PCDHGC3: variants seen among roughly 807,000 people sequenced by gnomAD.
PCDHGC3 encodes protocadherin gamma-C3.
In PCDHGC3, 26 loss-of-function variants were observed where a neutral mutation model predicts 59.2. The ratio of observed to expected loss-of-function variants is 0.44; its 90% CI spans 0.32 to 0.61. The LOEUF (loss-of-function observed/expected upper bound fraction) is 0.61. Ranked by LOEUF, PCDHGC3 falls within the 20% of genes least tolerant of loss-of-function variation. The probability of loss-of-function intolerance (pLI) is 0.05; values close to 1 mark genes in which losing one functional copy is unlikely to be tolerated. For synonymous variants in PCDHGC3, 487 were observed against 519.7 expected, an observed-to-expected ratio of 0.94 and a Z score of 0.86; for missense variants, 1,080 against 1,221.8, an observed-to-expected ratio of 0.88 and a Z score of 1.73.
At chr5:141,510,028 C>A (rs962629835) in intron 3 of PCDHGC3, among the ~76,000 whole-genome samples, 1 of 152,164 alleles carries the variant, frequency 6.6e-6, no homozygotes, top group Non-Finnish European at 1.5e-5. Context: ...GCTGGCTGGG[C>A]TGTTATGTAG....
chr5:141,503,161 T>C (rs1035413931), intron 2 of PCDHGC3, among the ~76,000 whole-genome samples: 3 of 152,054 alleles, frequency 2.0e-5, no homozygotes, highest in Admixed American at 1.3e-4. Context: ...AGTATCACAA[T>C]TGCAATTACT....
chr5:141,498,002 C>T (rs1442305270), intron 2 of PCDHGC3, among the ~76,000 whole-genome samples: 2 of 152,178 alleles, frequency 1.3e-5, no homozygotes, highest in East Asian at 1.9e-4. Flanking sequence ...AAGGAGTTTA[C>T]AGTGCACTGA....
Position 141,476,990 on chromosome 5 carries a change from C to T in PCDHGC3, c.874C>T (p.Arg292Trp), listed in dbSNP as rs2099402882. Reference protein sequence around the residue: ...SFGSHNRAGVRQLFALDLVTG... With the variant: ...SFGSHNRAGVWQLFALDLVTG... ...CGGCAGCCACAACCGCGCCGGCGTGCGGCAACTATTCGCCTTAGACCTTGT... is the reference window on the plus strand; with the variant it reads ...CGGCAGCCACAACCGCGCCGGCGTGTGGCAACTATTCGCCTTAGACCTTGT... The change falls in exon 1 of 4, where the codon CGG (arginine) becomes TGG (tryptophan). Residue 292 changes from arginine to tryptophan, a missense_variant. Coordinates refer to ENST00000308177, the MANE Select transcript of PCDHGC3 (RefSeq NM_002588.4). The surrounding 1 kb of genome is among the most constrained non-coding windows in gnomAD (Gnocchi z 7.6). 6.2e-7 allele frequency: 1 copy of T among 1,614,220 alleles called. No individual in the cohort carries two copies. The highest frequency in any genetic ancestry group is 8.5e-7 in the Non-Finnish European group (1 of 1,180,046).
At position 141,490,359 on chromosome 5, in the gene PCDHGC3, T is replaced by A; in HGVS notation, c.2431-4448T>A. On this transcript the variant is annotated intron_variant, in intron 1 of 3. Coordinates refer to ENST00000308177, the MANE Select transcript of PCDHGC3 (RefSeq NM_002588.4). The surrounding 1 kb of genome is among the most constrained non-coding windows in gnomAD (Gnocchi z 5.4). ...TGGGCACAGTAGTGGGGTTGTTTAA[T>A]GTGCGAGACCGGGACTCAGGTAGAA... 6.2e-7 allele frequency: 1 copy of A among 1,614,212 alleles called. No individual in the cohort carries two copies. The highest frequency in any genetic ancestry group is 8.5e-7 in the Non-Finnish European group (1 of 1,180,036).
At position 141,476,689 on chromosome 5, in the gene PCDHGC3, C is replaced by A; in HGVS notation, c.573C>A (p.Thr191=). ...ALRVQTREDS[T]KYAELVLERA... Reference sequence around the variant, plus strand: ...GCGTGCAGACGCGGGAGGACAGCACCAAGTACGCGGAGCTGGTGTTGGAGC... The same window carrying A: ...GCGTGCAGACGCGGGAGGACAGCACAAAGTACGCGGAGCTGGTGTTGGAGC... The change falls in exon 1 of 4, where the codon ACC becomes ACA. Residue 191 remains threonine (T), a synonymous_variant. Transcript: ENST00000308177. The surrounding 1 kb of genome is among the most constrained non-coding windows in gnomAD (Gnocchi z 7.6). The A allele has an allele frequency of 1.9e-6, 3 of 1,614,226 alleles. No homozygotes were observed. Among genetic ancestry groups the A allele is most frequent in the Non-Finnish European group, 2.5e-6 (3 of 1,180,046 alleles).
In PCDHGC3 at chr5:141,498,877, G is replaced by A. The variant is rs886444261; in HGVS notation, c.2489+4012G>A. ...GAACCCAGGAGGCGGAGGTTGCAGTGAGCTGAGATCACACCACTGCACTCC... is the reference window on the plus strand; with the variant it reads ...GAACCCAGGAGGCGGAGGTTGCAGTAAGCTGAGATCACACCACTGCACTCC... On this transcript the variant is annotated intron_variant, in intron 2 of 3. Coordinates refer to ENST00000308177, the MANE Select transcript of PCDHGC3 (RefSeq NM_002588.4). Among the ~76,000 whole-genome samples, 8 of 149,816 alleles carry A rather than the reference G, an allele frequency of 5.3e-5. No individual in the cohort carries two copies. In the East Asian group the frequency reaches 1.4e-3, roughly 26 times the overall value.
rs187495695 is a variant in PCDHGC3, at chr5:141,486,508, T to G, written c.2430+7962T>G. The G allele has an allele frequency of 9.3e-6, 15 of 1,614,172 alleles. No homozygotes were observed. In the Admixed American group the frequency reaches 2.5e-4, roughly 27 times the overall value. The stretch of plus-strand genomic sequence containing the variant: ...CCCACAGAACTATTTTCCTCAATAT[T>G]TCAGATGTGAATGATAATCCACCCT... On this transcript the variant is annotated intron_variant, in intron 1 of 3. Coordinates refer to ENST00000308177, the MANE Select transcript of PCDHGC3 (RefSeq NM_002588.4). The surrounding 1 kb of genome is among the most constrained non-coding windows in gnomAD (Gnocchi z 5.0).
At position 141,486,602 on chromosome 5, in the gene PCDHGC3, C is replaced by T; in HGVS notation, c.2430+8056C>T. The stretch of plus-strand genomic sequence containing the variant: ...TCGCCCAGGGGACCTGCTTTGCTCC[C>T]TTGCAGCCTCTGACCCAGACTCTGG... On this transcript the variant is annotated intron_variant, in intron 1 of 3. Transcript: ENST00000308177. The surrounding 1 kb of genome is among the most constrained non-coding windows in gnomAD (Gnocchi z 5.0). 6.2e-7 allele frequency: 1 copy of T among 1,613,572 alleles called. No homozygotes were observed. Among genetic ancestry groups the T allele is most frequent in the Non-Finnish European group, 8.5e-7 (1 of 1,180,026 alleles).
Position 141,490,924 on chromosome 5 carries a change from C to A in PCDHGC3, c.2431-3883C>A. 1 of 1,613,680 alleles carries A rather than the reference C, an allele frequency of 6.2e-7. No individual in the cohort carries two copies. Among genetic ancestry groups the A allele is most frequent in the Non-Finnish European group, 8.5e-7 (1 of 1,179,694 alleles). On this transcript the variant is annotated intron_variant, in intron 1 of 3. Coordinates refer to ENST00000308177, the MANE Select transcript of PCDHGC3 (RefSeq NM_002588.4). The surrounding 1 kb of genome is among the most constrained non-coding windows in gnomAD (Gnocchi z 5.4). ...TGTCCTAGACGAGAATGATAATGCC[C>A]CAGCTGTGCTGCACCCACGGCCAGA...
intron 1 of PCDHGC3, among the ~76,000 whole-genome samples, chr5:141,484,207 A>G (rs898823095): frequency 2.6e-5 from 4 of 152,218 alleles, no homozygotes; most frequent in Non-Finnish European, 5.9e-5. Context: ...ATCTATGAAC[A>G]TTAGCATTCT....
At chr5:141,480,195 G>A (rs1350891459) in intron 1 of PCDHGC3, among the ~76,000 whole-genome samples, 1 of 151,182 alleles carries the variant, frequency 6.6e-6, no homozygotes, top group Non-Finnish European at 1.5e-5. Context: ...CTTGAGGCCA[G>A]CAGTTCAAGA....
chr5:141,485,786 C>A lies in PCDHGC3; in HGVS notation c.2430+7240C>A. On this transcript the variant is annotated intron_variant, in intron 1 of 3. Transcript: ENST00000308177. This position sits in a 1 kb window ranked among gnomAD's most constrained non-coding sequence, Gnocchi z 5.7. ...GGAGAAGCCTTTGGATCGAGAGAAG[C>A]AATCGGACTACCGCCTGGTGCTGAC... 1 of 1,614,208 alleles carries A rather than the reference C, an allele frequency of 6.2e-7. No individual in the cohort carries two copies. The highest frequency in any genetic ancestry group is 1.3e-5 in the African/African-American group (1 of 75,062).
chr5:141,506,832 C>T (rs1398190563), intron 3 of PCDHGC3, among the ~76,000 whole-genome samples: 1 of 152,130 alleles, frequency 6.6e-6, no homozygotes, highest in African/African-American at 2.4e-5. Flanking sequence ...GAACTGATAG[C>T]CCTGCCCTCC....
Position 141,489,714 on chromosome 5 carries a change from G to C in PCDHGC3, c.2431-5093G>C, listed in dbSNP as rs770143357. On this transcript the variant is annotated intron_variant, in intron 1 of 3. Coordinates refer to ENST00000308177, the MANE Select transcript of PCDHGC3 (RefSeq NM_002588.4). The surrounding 1 kb of genome is among the most constrained non-coding windows in gnomAD (Gnocchi z 4.5). Reference sequence around the variant, plus strand: ...CACGATTCCCACTGGACAGTGCCCAGGATCCGGATGTGGGCACCAATACTG... The same window carrying C: ...CACGATTCCCACTGGACAGTGCCCACGATCCGGATGTGGGCACCAATACTG... 7.4e-6 allele frequency: 12 copies of C among 1,613,958 alleles called. No individual in the cohort carries two copies. The highest frequency in any genetic ancestry group is 1.0e-5 in the Non-Finnish European group (12 of 1,179,930).
chr5:141,496,992 C>T (rs1055856428), intron 2 of PCDHGC3, among the ~76,000 whole-genome samples: 2 of 151,918 alleles, frequency 1.3e-5, no homozygotes, highest in African/African-American at 2.4e-5. Context: ...TTGAGACCAG[C>T]CTGGCAGCCA....
At chr5:141,494,972 C>G in intron 2 of PCDHGC3, 107 bp downstream of exon 2, 1 of 1,581,852 alleles carries the variant, frequency 6.3e-7, no homozygotes, top group Non-Finnish European at 8.6e-7. Context: ...TGGCTTCTCC[C>G]TCAGTTTGAG....
At chr5:141,509,625 G>T (rs915049847) in intron 3 of PCDHGC3, among the ~76,000 whole-genome samples, 1 of 152,186 alleles carries the variant, frequency 6.6e-6, no homozygotes, top group Non-Finnish European at 1.5e-5. Flanking sequence ...AAGTTCCTGG[G>T]TGATGCTGAG....
At position 141,511,420 on chromosome 5, in the gene PCDHGC3, G is replaced by A; in HGVS notation, c.*247G>A. On this transcript the variant is annotated 3_prime_UTR_variant, in exon 4 of 4. Coordinates refer to ENST00000308177, the MANE Select transcript of PCDHGC3 (RefSeq NM_002588.4). ...TCCAATCAACTGCTGTACCCATGGG[G>A]GTAGTGGGGTTACTGTAGACACCAA... 2.4e-6 allele frequency: 2 copies of A among 830,862 alleles called. No individual in the cohort carries two copies. Among genetic ancestry groups the A allele is most frequent in the Non-Finnish European group, 1.8e-6 (1 of 557,336 alleles). The allele number at this position is 830,862 out of a possible 1,614,324, so 51.5% of individuals were successfully genotyped here.
intron 1 of PCDHGC3, chr5:141,479,399 T>C (rs2099494765): frequency 6.6e-6 from 1 of 152,576 alleles, no homozygotes; most frequent in African/African-American, 2.4e-5. Flanking sequence ...AGTTCTGGGC[T>C]GTGGTGCACT....
Sources: allele counts gnomAD v4.1 joint callset (sites outside exome capture counted in the v4.1 genomes callset), GRCh38; gene constraint gnomAD v4.1.1; non-coding constraint Gnocchi (gnomAD v3.1); transcripts MANE v1.5; gene names NCBI Gene and HGNC (gene_info 2026-07-23, HGNC 2026-07-21).